ATG10: variants seen among roughly 807,000 people sequenced by gnomAD.
ATG10 encodes the protein autophagy related 10.
A neutral mutation model predicts 32.1 loss-of-function variants in ATG10; 30 were observed. That is an observed-to-expected ratio of 0.94 (90% CI 0.70 to 1.27). ATG10 has a LOEUF of 1.27. Ranked by LOEUF, ATG10 falls within the 50% of genes most tolerant of loss-of-function variation. ATG10 has a pLI of 0.00. For synonymous variants in ATG10, 87 were observed against 91.5 expected (o/e 0.95, Z 0.28); for missense variants, 233 against 262.3 (o/e 0.89, Z 0.77).
chr5:82,129,389 T>G (rs1766420277), intron 3 of ATG10, among the ~76,000 whole-genome samples: 3 of 151,942 alleles, frequency 2.0e-5, no homozygotes, highest in African/African-American at 7.3e-5. Context: ...CCCTTGCTGG[T>G]GAGGAGTTGT....
At chr5:82,021,834 C>T (rs1762447309) in intron 2 of ATG10, among the ~76,000 whole-genome samples, 1 of 151,952 alleles carries the variant, frequency 6.6e-6, no homozygotes, top group African/African-American at 2.4e-5. Flanking sequence ...ACCATCCTGG[C>T]CAACATGTTG....
intron 5 of ATG10, among the ~76,000 whole-genome samples, chr5:82,227,512 C>A (rs922951107): frequency 2.6e-5 from 4 of 152,046 alleles, no homozygotes; most frequent in African/African-American, 9.7e-5. Context: ...GTAACTGGGA[C>A]TACAGGCGCC....
intron 3 of ATG10, among the ~76,000 whole-genome samples, chr5:82,096,759 T>C (rs913670410): frequency 6.6e-6 from 1 of 152,170 alleles, no homozygotes; most frequent in Non-Finnish European, 1.5e-5. Flanking sequence ...ACCAACATCA[T>C]GTAGACTAAT....
intron 5 of ATG10, among the ~76,000 whole-genome samples, chr5:82,221,716 A>C (rs2149993784): frequency 6.6e-6 from 1 of 152,348 alleles, no homozygotes; most frequent in South Asian, 2.1e-4. Flanking sequence ...AATATAAGAT[A>C]TAGGCATGCA....
chr5:82,025,970 T>C (rs1475951040), intron 2 of ATG10, among the ~76,000 whole-genome samples: 2 of 152,128 alleles, frequency 1.3e-5, no homozygotes, highest in Non-Finnish European at 2.9e-5. Context: ...TAAAGAAAAA[T>C]TTTAATTTTG....
At chr5:82,034,915 T>TATG (rs1198375083) in intron 2 of ATG10, among the ~76,000 whole-genome samples, 1 of 152,120 alleles carries the variant, frequency 6.6e-6, no homozygotes, top group East Asian at 1.9e-4. Context: ...TTTGTTTATC[T>TATG]ATTATTATTA....
intron 2 of ATG10, chr5:82,009,812 A>T (rs944047274): frequency 3.6e-5 from 58 of 1,606,378 alleles, no homozygotes; most frequent in Non-Finnish European, 4.5e-5. Flanking sequence ...AGATGCCAGG[A>T]CCTGTATGCT....
intron 5 of ATG10, among the ~76,000 whole-genome samples, chr5:82,228,983 G>T (rs994541702): frequency 1.3e-5 from 2 of 152,212 alleles, no homozygotes; most frequent in South Asian, 2.1e-4. Flanking sequence ...GCAGAAAGTC[G>T]ATTTGACTTG....
At chr5:82,142,325 T>A (rs4703535) in intron 3 of ATG10, among the ~76,000 whole-genome samples, 54,471 of 152,056 alleles carry the variant, frequency 0.36, 11,123 homozygotes, top group East Asian at 0.76. Context: ...GTGTCCAAGT[T>A]TCCTAAAAAG....
chr5:82,213,778 C>G (rs1745578523), intron 5 of ATG10, among the ~76,000 whole-genome samples: 1 of 152,188 alleles, frequency 6.6e-6, no homozygotes. Context: ...CAGTGTTTAG[C>G]AGGTGGATAA....
At chr5:82,236,958 T>A (rs557329529) in intron 5 of ATG10, among the ~76,000 whole-genome samples, 2 of 152,328 alleles carry the variant, frequency 1.3e-5, no homozygotes, top group Admixed American at 1.3e-4. Context: ...CATATACCTA[T>A]GAGAGATGGA....
At chr5:82,033,363 G>A (rs1049682417) in intron 2 of ATG10, among the ~76,000 whole-genome samples, 1 of 147,494 alleles carries the variant, frequency 6.8e-6, no homozygotes, top group African/African-American at 2.5e-5. Flanking sequence ...TTGAGTCAGA[G>A]TTTTGCTCTT....
At chr5:81,979,255 C>T (rs549714262) in intron 1 of ATG10, among the ~76,000 whole-genome samples, 4 of 145,000 alleles carry the variant, frequency 2.8e-5, no homozygotes, top group African/African-American at 7.5e-5. Context: ...TGGCTGGGCA[C>T]GGTGGCTCAC....
At position 82,254,817 on chromosome 5, in the gene ATG10, T is replaced by C. The variant is rs778145826; in HGVS notation, c.*754T>C. On this transcript the variant is annotated 3_prime_UTR_variant, in exon 8 of 8. Coordinates refer to ENST00000282185, the MANE Select transcript of ATG10 (RefSeq NM_031482.5). Reference sequence around the variant, plus strand: ...ACTGGTGTTATAAACATGACCTATCTTAAGTGATTTTCCCACAATCAAACT... The same window carrying C: ...ACTGGTGTTATAAACATGACCTATCCTAAGTGATTTTCCCACAATCAAACT... The C allele has an allele frequency of 6.6e-6, 1 of 152,046 alleles. No individual in the cohort carries two copies. The highest frequency in any genetic ancestry group is 1.5e-5 in the Non-Finnish European group (1 of 68,014). 9.4% of individuals were successfully genotyped at this position (152,046 alleles called of 1,614,324 possible).
chr5:82,068,882 A>T (rs1478037254), intron 3 of ATG10, among the ~76,000 whole-genome samples: 3 of 150,766 alleles, frequency 2.0e-5, no homozygotes, highest in African/African-American at 7.3e-5. Context: ...AAAATAAATG[A>T]AAGTGAAACC....
chr5:82,001,109 AAC>A (rs1196854400), intron 2 of ATG10, among the ~76,000 whole-genome samples: 1 of 152,206 alleles, frequency 6.6e-6, no homozygotes, highest in Non-Finnish European at 1.5e-5. Flanking sequence ...AGAATTAGAA[AAC>A]ACTGTTCAAA....
chr5:82,114,366 C>T (rs1765713194), intron 3 of ATG10, among the ~76,000 whole-genome samples: 1 of 151,978 alleles, frequency 6.6e-6, no homozygotes. Flanking sequence ...TTTCCAATGA[C>T]ACTGTCTTCT....
chr5:82,198,615 C>T (rs1744949593), intron 5 of ATG10, among the ~76,000 whole-genome samples: 1 of 152,136 alleles, frequency 6.6e-6, no homozygotes, highest in Non-Finnish European at 1.5e-5. Context: ...GTAAACTCAG[C>T]CCCCAAAAAC....
intron 3 of ATG10, among the ~76,000 whole-genome samples, chr5:82,141,309 C>T (rs1256858035): frequency 6.6e-6 from 1 of 151,164 alleles, no homozygotes; most frequent in African/African-American, 2.4e-5. Context: ...TTATTGAAGC[C>T]TATCATGTTT....
Sources: gnomAD v4.1 joint callset for allele counts (sites outside exome capture counted in the v4.1 genomes callset) on GRCh38, gnomAD v4.1.1 for gene constraint, MANE v1.5 for transcripts, NCBI Gene and HGNC (gene_info 2026-07-23, HGNC 2026-07-21) for gene names.